Variants in SYNE1 observed in about 807,000 individuals in gnomAD.
SYNE1 encodes the protein nesprin-1.
In SYNE1, 616 loss-of-function variants were observed where a neutral mutation model predicts 1,111.0. The observed-to-expected ratio is 0.55, with a 90% confidence interval of 0.52 to 0.59. The LOEUF is 0.59. Among genes scored for constraint, SYNE1 ranks in the 20% least tolerant of loss-of-function variants. SYNE1 has a pLI of 0.00. For missense variants in SYNE1, 10,006 were observed against 10,417.0 expected (o/e 0.96, Z 1.72); for synonymous variants, 3,855 against 3,825.8 (o/e 1.01, Z -0.28).
At chr6:152,483,295 G>T in intron 13 of SYNE1, 46 bp from the exon 14 acceptor site, 1 of 1,553,984 alleles carries the variant, frequency 6.4e-7, no homozygotes, top group Non-Finnish European at 8.9e-7. Flanking sequence ...AATACAGATG[G>T]CAATTTATAA....
Position 152,326,507 on chromosome 6 carries a change from C to A in SYNE1, c.15082G>T (p.Ala5028Ser), listed in dbSNP as rs748882675. 6.2e-7 allele frequency: 1 copy of A among 1,614,090 alleles called. No homozygotes were observed. The highest frequency in any genetic ancestry group is 8.5e-7 in the Non-Finnish European group (1 of 1,180,054). Residue 5028 changes from alanine (A) to serine (S), a missense_variant, in exon 79 of 146, where the codon GCA becomes TCA. This residue lies in a region of SYNE1 where 4,955 missense variants were observed against 5,017.2 expected (regional missense o/e 0.99). Transcript: ENST00000367255. Reference sequence around the variant, plus strand: ...ATGTGGCTTTTGAGATTTTCCTCTGCGCTCTCCACGTCTAGGCCATTGCCT... The same window carrying A: ...ATGTGGCTTTTGAGATTTTCCTCTGAGCTCTCCACGTCTAGGCCATTGCCT... Reference protein sequence around the residue: ...LAGNGLDVESAEENLKSHMEF... With the variant: ...LAGNGLDVESSEENLKSHMEF...
At chr6:152,213,024 C>T (rs922074290) in intron 123 of SYNE1, among the ~76,000 whole-genome samples, 3 of 152,088 alleles carry the variant, frequency 2.0e-5, no homozygotes, top group Non-Finnish European at 4.4e-5. Flanking sequence ...CTTAGTTATA[C>T]CGGTAAATAG....
At chr6:152,543,234 C>T (rs1595024296) in intron 3 of SYNE1, among the ~76,000 whole-genome samples, 1 of 151,984 alleles carries the variant, frequency 6.6e-6, no homozygotes, top group East Asian at 1.9e-4. Flanking sequence ...ATGTTAAATT[C>T]TTTACGTGTT....
At chr6:152,337,851 T>C (rs2096437995) in intron 75 of SYNE1, among the ~76,000 whole-genome samples, 1 of 152,206 alleles carries the variant, frequency 6.6e-6, no homozygotes, top group Non-Finnish European at 1.5e-5. Context: ...TCTGTAAAAA[T>C]AAATGGGTTA....
intron 19 of SYNE1, 106 bp from the exon 20 acceptor site, chr6:152,462,996 A>G: frequency 7.5e-7 from 1 of 1,341,722 alleles, no homozygotes; most frequent in Non-Finnish European, 1.1e-6. Flanking sequence ...ATCCGGTAAG[A>G]AAGACTCTAA....
Position 152,368,861 on chromosome 6 carries a change from G to C in SYNE1, c.9807+111C>G, listed in dbSNP as rs945808653. On this transcript the variant is annotated intron_variant, in intron 61 of 145. Transcript: ENST00000367255. ...ACACGCCCCTTACTGCTGACCTGGA[G>C]ACCCACACTGTGGGCGGGTCAGGAT... The C allele has an allele frequency of 5.1e-6, 7 of 1,363,810 alleles. No individual in the cohort carries two copies. The African/African-American group carries it at 8.6e-5, about 17-fold the overall frequency. The allele number at this position is 1,363,810 out of a possible 1,614,324, so 84.5% of individuals were successfully genotyped here. A position where few individuals can be genotyped will look rare whatever the true frequency, so the allele number is the denominator to read the frequency against.
rs745608617 is a variant in SYNE1, at chr6:152,354,889, G to A, written c.10696C>T (p.Gln3566Ter). 6.2e-7 allele frequency: 1 copy of A among 1,614,184 alleles called. No individual in the cohort carries two copies. The highest frequency in any genetic ancestry group is 8.5e-7 in the Non-Finnish European group (1 of 1,180,046). ...GACTCTAAAGCCCGGTCCTCTGCCT[G>A]TGGGATACCTGATGGGATCACATCC... Reference protein sequence around the residue: ...REDVIPSGIPQAEDRALESLR... With the variant: ...REDVIPSGIP Residue 3566 changes from glutamine (Q) to a stop codon, truncating the protein, a stop_gained, in exon 67 of 146, where the codon CAG (glutamine) becomes TAG (stop). Transcript: ENST00000367255. LOFTEE classifies it high-confidence loss of function.
chr6:152,193,986 C>T (rs916684069), intron 127 of SYNE1, among the ~76,000 whole-genome samples: 16 of 148,996 alleles, frequency 1.1e-4, no homozygotes, highest in Non-Finnish European at 1.6e-4. Context: ...GCACTCCAGC[C>T]TGGGCAGCAG....
In SYNE1 at chr6:152,149,437, T is replaced by C. The variant is rs142397416; in HGVS notation, c.24642+40A>G. ...ACCCAATCCCACACGACTTATTCTC[T>C]TTAGATTTAATGACAACTAAGAAAA... On this transcript the variant is annotated intron_variant, in intron 136 of 145. Transcript: ENST00000367255. 3.7e-6 allele frequency: 6 copies of C among 1,612,906 alleles called. No individual in the cohort carries two copies. The East Asian group carries it at 1.3e-4, about 36-fold the overall frequency.
chr6:152,249,268 G>A lies in SYNE1; in HGVS notation c.19471-6C>T, dbSNP rs1050002053. On this transcript the variant is annotated splice_polypyrimidine_tract_variant and splice_region_variant and intron_variant, in intron 104 of 145. Coordinates refer to ENST00000367255, the MANE Select transcript of SYNE1 (RefSeq NM_182961.4). ...AACAGCACTTTCAGATCATTCTAAG[G>A]AGGAAAGCAACGGGAAAACTCAAAA... is the stretch of plus-strand genomic sequence containing the variant. The A allele has an allele frequency of 2.5e-6, 4 of 1,575,502 alleles. No homozygotes were observed. Among genetic ancestry groups the A allele is most frequent in the Admixed American group, 3.3e-5 (2 of 59,978 alleles).
intron 36 of SYNE1, among the ~76,000 whole-genome samples, chr6:152,429,824 CAG>C (rs1225943470): frequency 6.6e-6 from 1 of 152,050 alleles, no homozygotes; most frequent in Non-Finnish European, 1.5e-5. Flanking sequence ...CAAGAGGTAA[CAG>C]GGTTGTTAAA....
intron 17 of SYNE1, among the ~76,000 whole-genome samples, 185 bp downstream of exon 17, chr6:152,465,797 A>ACAC (rs1554756957): frequency 3.3e-5 from 5 of 151,242 alleles, no homozygotes; most frequent in Non-Finnish European, 5.9e-5. Context: ...ACACACACAC[A>ACAC]ATGATTATGC....
Position 152,436,120 on chromosome 6 carries a change from T to A in SYNE1, c.4150-19A>T. The A allele has an allele frequency of 6.2e-7, 1 of 1,613,118 alleles. No homozygotes were observed. The highest frequency in any genetic ancestry group is 8.5e-7 in the Non-Finnish European group (1 of 1,179,780). The stretch of plus-strand genomic sequence containing the variant: ...AAAACTCCTAGAAAAAATATTATGA[T>A]CATTAGGTAGGCACTTTATATTATT... On this transcript the variant is annotated intron_variant, in intron 32 of 145. Coordinates refer to ENST00000367255, the MANE Select transcript of SYNE1 (RefSeq NM_182961.4).
intron 145 of SYNE1, 52 bp from the exon 146 acceptor site, chr6:152,122,728 CG>C (rs761773443): frequency 6.2e-7 from 1 of 1,610,394 alleles, no homozygotes; most frequent in Non-Finnish European, 8.5e-7. Context: ...GTCGGAGGGA[CG>C]CTGCTTTTTG....
At chr6:152,444,664 A>G in intron 29 of SYNE1, 86 bp from the exon 30 acceptor site, 1 of 1,229,848 alleles carries the variant, frequency 8.1e-7, no homozygotes, top group South Asian at 1.3e-5. Flanking sequence ...TATGATTGAC[A>G]AATAAACATT....
chr6:152,593,729 C>T (rs567732526), intron 3 of SYNE1, among the ~76,000 whole-genome samples: 1 of 152,062 alleles, frequency 6.6e-6, no homozygotes, highest in African/African-American at 2.4e-5. Flanking sequence ...TTGATGGTGC[C>T]ATTTGTAAAC....
chr6:152,467,971 G>GC (rs2098781400), intron 16 of SYNE1, among the ~76,000 whole-genome samples: 1 of 152,040 alleles, frequency 6.6e-6, no homozygotes, highest in African/African-American at 2.4e-5. Context: ...AAATACAAAT[G>GC]CATGTTTAAA....
intron 74 of SYNE1, among the ~76,000 whole-genome samples, chr6:152,341,881 T>C (rs115421851): frequency 6.6e-6 from 1 of 152,332 alleles, no homozygotes; most frequent in African/African-American, 2.4e-5. Flanking sequence ...GTACATGGTT[T>C]TGCTTACAGT....
chr6:152,474,204 A>C (rs1375545971), intron 14 of SYNE1, among the ~76,000 whole-genome samples: 3 of 152,088 alleles, frequency 2.0e-5, no homozygotes, highest in Non-Finnish European at 4.4e-5. Context: ...AAAGAACTTC[A>C]ACAGTTGGCA....
Sources: allele counts gnomAD v4.1 joint callset (sites outside exome capture counted in the v4.1 genomes callset), GRCh38; gene constraint gnomAD v4.1.1; regional missense constraint gnomAD v4.1.1; transcripts MANE v1.5; gene names NCBI Gene and HGNC (gene_info 2026-07-23, HGNC 2026-07-21).